The following TMEM17 variants were observed in gnomAD, a reference collection of about 807,000 sequenced individuals.
The protein encoded by TMEM17 is transmembrane protein 17.
A neutral mutation model predicts 19.1 loss-of-function variants in TMEM17; 15 were observed. That is an observed-to-expected ratio of 0.78 (90% CI 0.52 to 1.21). The LOEUF is 1.21. TMEM17 is among the 50% of genes most tolerant of loss of function. The pLI, the probability that TMEM17 is intolerant of heterozygous loss-of-function variation, is 0.00. For synonymous variants in TMEM17, 103 were observed against 86.9 expected, an observed-to-expected ratio of 1.19 and a Z score of -1.03; for missense variants, 245 against 242.3, an observed-to-expected ratio of 1.01 and a Z score of -0.07.
the TMEM17 span, among the ~76,000 whole-genome samples, chr2:62,488,494 A>G: frequency 1.9e-5 from 1 of 53,956 alleles, no homozygotes; most frequent in African/African-American, 6.8e-5. Flanking sequence ...ATGAGTTTTG[A>G]AAAAAAAAAA....
In TMEM17 at chr2:62,500,361, T is replaced by C. The variant is rs1223887811; in HGVS notation, c.*848A>G. 6.6e-6 allele frequency: 1 copy of C among 152,238 alleles called. No homozygotes were observed. Among genetic ancestry groups the C allele is most frequent in the Non-Finnish European group, 1.5e-5 (1 of 68,034 alleles). The allele number at this position is 152,238 out of a possible 1,614,324, so 9.4% of individuals were successfully genotyped here. ...AAATACCAAGGCAATCCACCTGTTTTCTTCTTCATCTCAGTATAACAGCTA... is the reference window on the plus strand; with the variant it reads ...AAATACCAAGGCAATCCACCTGTTTCCTTCTTCATCTCAGTATAACAGCTA... On this transcript the variant is annotated 3_prime_UTR_variant, in exon 4 of 4. Transcript: ENST00000335390.
At chr2:62,476,438 A>G in the TMEM17 span, among the ~76,000 whole-genome samples, 2 of 152,216 alleles carry the variant, frequency 1.3e-5, no homozygotes, top group African/African-American at 2.4e-5. Context: ...GCAGAAAGAC[A>G]GGAGCGGGAG....
In TMEM17 at chr2:62,506,194, G is replaced by A; in HGVS notation, c.-65C>T. 1.4e-6 allele frequency: 2 copies of A among 1,444,720 alleles called. No individual in the cohort carries two copies. Among genetic ancestry groups the A allele is most frequent in the Non-Finnish European group, 1.8e-6 (2 of 1,082,128 alleles). 89.5% of individuals were successfully genotyped at this position (1,444,720 alleles called of 1,614,324 possible). A position where few individuals can be genotyped will look rare whatever the true frequency, so the allele number is the denominator to read the frequency against. ...TAGTCTGCGGGCGCTCCGAGGCTCCGTGGTTCCCACGGCAACCGGGCGGCG... is the reference window on the plus strand; with the variant it reads ...TAGTCTGCGGGCGCTCCGAGGCTCCATGGTTCCCACGGCAACCGGGCGGCG... On this transcript the variant is annotated 5_prime_UTR_variant, in exon 1 of 4. The change creates a new upstream start codon in the 5' untranslated region. Transcript: ENST00000335390.
the TMEM17 span, among the ~76,000 whole-genome samples, chr2:62,454,168 C>T: frequency 6.6e-6 from 1 of 152,230 alleles, no homozygotes; most frequent in Non-Finnish European, 1.5e-5. Flanking sequence ...CACATCTTAA[C>T]CTCCCTGGAG....
chr2:62,503,760 G>T lies in TMEM17; in HGVS notation c.101-966C>A, dbSNP rs534666145. Reference sequence around the variant, plus strand: ...CCTACCCTAATTTGAGACCCTCATAGAATCTAGCATCTTGCTTTCCACGCA... The same window carrying T: ...CCTACCCTAATTTGAGACCCTCATATAATCTAGCATCTTGCTTTCCACGCA... On this transcript the variant is annotated intron_variant, in intron 1 of 3. Transcript: ENST00000335390. Among the ~76,000 whole-genome samples, 9 of 152,310 alleles carry T rather than the reference G, an allele frequency of 5.9e-5. No individual in the cohort carries two copies. In the East Asian group the frequency reaches 1.7e-3, roughly 29 times the overall value.
At chr2:62,472,329 C>T in the TMEM17 span, among the ~76,000 whole-genome samples, 1 of 152,166 alleles carries the variant, frequency 6.6e-6, no homozygotes, top group Admixed American at 6.5e-5. Context: ...AGTCTTGGGG[C>T]TTTCCCTGCA....
At chr2:62,467,070 T>G in the TMEM17 span, among the ~76,000 whole-genome samples, 1 of 152,172 alleles carries the variant, frequency 6.6e-6, no homozygotes, top group African/African-American at 2.4e-5. Context: ...GGTTTGGTTT[T>G]TCTTTTTTTT....
the TMEM17 span, among the ~76,000 whole-genome samples, chr2:62,480,010 T>G: frequency 6.6e-6 from 1 of 152,188 alleles, no homozygotes; most frequent in East Asian, 1.9e-4. Context: ...ATAGTAGTTT[T>G]ATTAGTTTAC....
chr2:62,456,702 C>A, the TMEM17 span, among the ~76,000 whole-genome samples: 1 of 152,234 alleles, frequency 6.6e-6, no homozygotes, highest in Non-Finnish European at 1.5e-5. Flanking sequence ...TCGGGGTTGG[C>A]TGGTCTTGAG....
chr2:62,459,350 G>A, the TMEM17 span, among the ~76,000 whole-genome samples: 2 of 152,308 alleles, frequency 1.3e-5, no homozygotes, highest in Non-Finnish European at 2.9e-5. Context: ...TTGTTTCTTC[G>A]GAATGTCCTG....
chr2:62,483,750 C>T, the TMEM17 span, among the ~76,000 whole-genome samples: 1 of 151,992 alleles, frequency 6.6e-6, no homozygotes, highest in Non-Finnish European at 1.5e-5. Flanking sequence ...CAGGCACGTG[C>T]CACCGCGCCC....
intron 1 of TMEM17, 128 bp from the exon 2 acceptor site, chr2:62,502,922 A>C: frequency 2.2e-6 from 1 of 446,814 alleles, no homozygotes; most frequent in Non-Finnish European, 4.0e-6. Flanking sequence ...ATGCCTATTT[A>C]TAATCATTGA....
intron 1 of TMEM17, among the ~76,000 whole-genome samples, chr2:62,504,551 C>G (rs866610255): frequency 6.6e-6 from 1 of 152,094 alleles, no homozygotes; most frequent in African/African-American, 2.4e-5. Flanking sequence ...CATATTTCAG[C>G]AGATCAAACT....
chr2:62,465,383 TA>T, the TMEM17 span, among the ~76,000 whole-genome samples: 9 of 152,182 alleles, frequency 5.9e-5, no homozygotes, highest in Non-Finnish European at 1.0e-4. Flanking sequence ...TATATTTGTG[TA>T]AGATGTTAAC....
At chr2:62,460,132 T>C in the TMEM17 span, among the ~76,000 whole-genome samples, 2 of 152,206 alleles carry the variant, frequency 1.3e-5, no homozygotes, top group African/African-American at 4.8e-5. Flanking sequence ...TACATATAAT[T>C]AATCAGGCCA....
chr2:62,496,466 A>C (rs762180276), downstream of TMEM17, among the ~76,000 whole-genome samples: 5 of 152,266 alleles, frequency 3.3e-5, no homozygotes, highest in Non-Finnish European at 5.9e-5. Context: ...ATGAAATAAC[A>C]CACAATCACT....
At chr2:62,454,842 T>G in the TMEM17 span, among the ~76,000 whole-genome samples, 2 of 152,216 alleles carry the variant, frequency 1.3e-5, no homozygotes, top group Non-Finnish European at 2.9e-5. Flanking sequence ...TAGCTGGGAC[T>G]ACAGGCACCT....
At chr2:62,458,989 A>G in the TMEM17 span, among the ~76,000 whole-genome samples, 1 of 152,340 alleles carries the variant, frequency 6.6e-6, no homozygotes, top group Admixed American at 6.5e-5. Context: ...TGCTAGGAAC[A>G]TTTGTGTACG....
At chr2:62,454,780 T>C in the TMEM17 span, among the ~76,000 whole-genome samples, 1 of 152,218 alleles carries the variant, frequency 6.6e-6, no homozygotes, top group South Asian at 2.1e-4. Flanking sequence ...CTCAGCTCAC[T>C]GCAAGCTCCG....
Sources: gnomAD v4.1 joint callset for allele counts (sites outside exome capture counted in the v4.1 genomes callset) on GRCh38, gnomAD v4.1.1 for gene constraint, MANE v1.5 for transcripts, NCBI Gene and HGNC (gene_info 2026-07-23, HGNC 2026-07-21) for gene names.